The following TBC1D5 variants were observed in gnomAD, a reference collection of about 807,000 sequenced individuals.
TBC1D5 encodes the protein TBC1 domain family member 5, also known as TBC1 domain family, member 5.
In TBC1D5, 75 loss-of-function variants were observed where a neutral mutation model predicts 100.3. The observed-to-expected ratio is 0.75, with a 90% CI of 0.62 to 0.91. The LOEUF (loss-of-function observed/expected upper bound fraction) is 0.91. Ranked by LOEUF, TBC1D5 falls within the 40% of genes least tolerant of loss-of-function variation. The pLI is 0.00. For synonymous variants in TBC1D5, 323 were observed against 325.6 expected (o/e 0.99, Z 0.09); for missense variants, 910 against 942.4 (o/e 0.97, Z 0.45).
At chr3:17,285,613 A>G (rs958821831) in intron 15 of TBC1D5, among the ~76,000 whole-genome samples, 1 of 152,162 alleles carries the variant, frequency 6.6e-6, no homozygotes, top group African/African-American at 2.4e-5. Context: ...GGCATTAAGG[A>G]AAGGAACATT....
At chr3:17,375,143 T>C (rs543734439) in intron 10 of TBC1D5, among the ~76,000 whole-genome samples, 4 of 152,186 alleles carry the variant, frequency 2.6e-5, no homozygotes, top group Non-Finnish European at 5.9e-5. Context: ...TTTTAACAGA[T>C]TGAATCAGCT....
intron 1 of TBC1D5, among the ~76,000 whole-genome samples, chr3:17,652,068 A>G (rs939249037): frequency 6.6e-6 from 1 of 152,212 alleles, no homozygotes; most frequent in Non-Finnish European, 1.5e-5. Flanking sequence ...ATTTTAAACC[A>G]TTAAAAAAGC....
At chr3:17,525,424 C>A (rs923480120) in intron 2 of TBC1D5, among the ~76,000 whole-genome samples, 10 of 152,176 alleles carry the variant, frequency 6.6e-5, no homozygotes, top group Non-Finnish European at 1.5e-4. Context: ...AGCCACCACA[C>A]CCGGCCAGGG....
At chr3:17,441,483 T>C (rs1012048951) in intron 3 of TBC1D5, among the ~76,000 whole-genome samples, 5 of 152,218 alleles carry the variant, frequency 3.3e-5, no homozygotes, top group African/African-American at 1.2e-4. Context: ...GGGTACAATA[T>C]GCAAAGCACA....
intron 3 of TBC1D5, among the ~76,000 whole-genome samples, chr3:17,507,824 T>C (rs938050282): frequency 6.6e-6 from 1 of 152,150 alleles, no homozygotes; most frequent in African/African-American, 2.4e-5. Flanking sequence ...ACAAACTCAA[T>C]TGCTTCTGTC....
At chr3:17,518,145 G>C (rs542017166) in intron 2 of TBC1D5, among the ~76,000 whole-genome samples, 3 of 152,104 alleles carry the variant, frequency 2.0e-5, no homozygotes, top group Non-Finnish European at 4.4e-5. Context: ...GATAGGGACC[G>C]GGGGCAGAGA....
intron 2 of TBC1D5, among the ~76,000 whole-genome samples, chr3:17,598,859 T>C (rs567254193): frequency 4.1e-4 from 62 of 152,328 alleles, no homozygotes; most frequent in African/African-American, 1.4e-3. Flanking sequence ...TTTATTGAGC[T>C]CACTGCCTAT....
chr3:17,445,883 A>C (rs2094780519), intron 3 of TBC1D5, among the ~76,000 whole-genome samples: 1 of 152,154 alleles, frequency 6.6e-6, no homozygotes, highest in Non-Finnish European at 1.5e-5. Context: ...TACAGTTGAG[A>C]ACTAGTTACG....
intron 14 of TBC1D5, among the ~76,000 whole-genome samples, chr3:17,301,105 TTA>T (rs1402930677): frequency 6.6e-6 from 1 of 151,728 alleles, no homozygotes; most frequent in Non-Finnish European, 1.5e-5. Context: ...ATAAATAAAT[TTA>T]TAGTGTTTTA....
chr3:17,577,978 A>G (rs1226286722), intron 2 of TBC1D5, among the ~76,000 whole-genome samples: 2 of 152,028 alleles, frequency 1.3e-5, no homozygotes, highest in Non-Finnish European at 2.9e-5. Context: ...TAAAAATGCC[A>G]GCAAGTGAAT....
intron 3 of TBC1D5, among the ~76,000 whole-genome samples, chr3:17,448,887 C>G (rs1559908623): frequency 6.6e-6 from 1 of 152,206 alleles, no homozygotes; most frequent in South Asian, 2.1e-4. Context: ...GTCAGCCTGT[C>G]CTTTGAAGCT....
At chr3:17,192,075 C>A (rs2069990091) in intron 18 of TBC1D5, among the ~76,000 whole-genome samples, 1 of 151,656 alleles carries the variant, frequency 6.6e-6, no homozygotes, top group Non-Finnish European at 1.5e-5. Flanking sequence ...TGGATAGTCC[C>A]CAAATAGTTT....
intron 1 of TBC1D5, among the ~76,000 whole-genome samples, chr3:17,678,676 A>AAAAAAAT (rs1290076533): frequency 6.6e-6 from 1 of 150,482 alleles, no homozygotes; most frequent in African/African-American, 2.5e-5. Context: ...TAAAAAAAAA[A>AAAAAAAT]AAAAAAAAAA....
At chr3:17,458,119 T>C (rs1396284700) in intron 3 of TBC1D5, among the ~76,000 whole-genome samples, 1 of 152,224 alleles carries the variant, frequency 6.6e-6, no homozygotes, top group Non-Finnish European at 1.5e-5. Context: ...TTTGGTCTTC[T>C]GACTCAGCCT....
At chr3:17,446,920 G>T (rs531687182) in intron 3 of TBC1D5, among the ~76,000 whole-genome samples, 64 of 150,194 alleles carry the variant, frequency 4.3e-4, no homozygotes, top group African/African-American at 1.5e-3. Context: ...GCAGTGAGCC[G>T]AGATCACACC....
intron 3 of TBC1D5, among the ~76,000 whole-genome samples, chr3:17,451,147 G>A (rs1199010493): frequency 6.6e-6 from 1 of 152,182 alleles, no homozygotes; most frequent in Non-Finnish European, 1.5e-5. Context: ...GTAAGTGGAG[G>A]AGAAATAAAA....
chr3:17,742,395 A>T (rs1218259695), upstream of TBC1D5: 1 of 152,836 alleles, frequency 6.5e-6, no homozygotes, highest in Non-Finnish European at 1.5e-5. Context: ...GGCGGGAACG[A>T]CTGCATGTGG....
chr3:17,538,257 T>G (rs375067724), intron 2 of TBC1D5, among the ~76,000 whole-genome samples: 42 of 152,098 alleles, frequency 2.8e-4, no homozygotes, highest in African/African-American at 9.2e-4. Context: ...GAAAAGATAG[T>G]CTCCTAACAG....
chr3:17,536,673 T>G (rs1254241013), intron 2 of TBC1D5, among the ~76,000 whole-genome samples: 1 of 152,148 alleles, frequency 6.6e-6, no homozygotes, highest in Non-Finnish European at 1.5e-5. Flanking sequence ...TTTGGTTTTA[T>G]GCATGTTAGG....
Sources: allele counts gnomAD v4.1 joint callset (sites outside exome capture counted in the v4.1 genomes callset), GRCh38; gene constraint gnomAD v4.1.1; transcripts MANE v1.5; gene names NCBI Gene and HGNC (gene_info 2026-07-23, HGNC 2026-07-21).